SLC4A10: variants seen among roughly 807,000 people sequenced by gnomAD.
SLC4A10 encodes solute carrier family 4 member 10.
SLC4A10 carries 42 observed loss-of-function variants against 137.7 expected under a neutral mutation model. That is an observed-to-expected ratio of 0.30 (90% CI 0.24 to 0.39). The LOEUF (loss-of-function observed/expected upper bound fraction) is 0.39. Ranked by LOEUF, SLC4A10 falls within the 10% of genes least tolerant of loss-of-function variation. SLC4A10 has a pLI of 1.00. For missense variants in SLC4A10, 925 were observed against 1,355.0 expected (o/e 0.68, Z 4.98); for synonymous variants, 474 against 464.1 (o/e 1.02, Z -0.27).
chr2:161,695,797 TC>T (rs1416054147), intron 1 of SLC4A10, among the ~76,000 whole-genome samples: 31 of 152,194 alleles, frequency 2.0e-4, no homozygotes, highest in African/African-American at 6.8e-4. Flanking sequence ...ATAGGCTAAT[TC>T]CTGCATTCTA....
intron 1 of SLC4A10, among the ~76,000 whole-genome samples, chr2:161,676,862 G>A (rs560919367): frequency 2.6e-5 from 4 of 152,216 alleles, no homozygotes; most frequent in Middle Eastern, 3.4e-3. Flanking sequence ...CCTACAGGGC[G>A]TGCTGTATGG....
At chr2:161,945,214 ATATATAT>A (rs1693558869) in intron 16 of SLC4A10, among the ~76,000 whole-genome samples, 4 of 85,224 alleles carry the variant, frequency 4.7e-5, no homozygotes, top group Non-Finnish European at 1.2e-4. Flanking sequence ...ATATATATAT[ATATATAT>A]ATATATATAT....
Position 161,946,544 on chromosome 2 carries a change from G to T in SLC4A10, c.2104-1022G>T, listed in dbSNP as rs561988459. ...GGGCAAGAATATCTCAAGGACTAAT[G>T]AGATCACTGGATCATTTAAACCATT... On this transcript the variant is annotated intron_variant, in intron 16 of 26. Coordinates refer to ENST00000446997, the MANE Select transcript of SLC4A10 (RefSeq NM_001178015.2). Among the ~76,000 whole-genome samples the T allele has an allele frequency of 2.0e-5, 3 of 152,164 alleles. 1 individual carries two copies. Among genetic ancestry groups the T allele is most frequent in the African/African-American group, 7.2e-5 (3 of 41,548 alleles).
At chr2:161,655,831 T>C (rs74809967) in intron 1 of SLC4A10, among the ~76,000 whole-genome samples, 1 of 149,898 alleles carries the variant, frequency 6.7e-6, no homozygotes. Context: ...TTTTTTTTTT[T>C]GGAGACGGAG....
At chr2:161,739,348 G>A (rs929146946) in intron 1 of SLC4A10, among the ~76,000 whole-genome samples, 13 of 151,950 alleles carry the variant, frequency 8.6e-5, no homozygotes, top group African/African-American at 1.7e-4. Context: ...TGCTTTTATC[G>A]CCTCCTATTT....
intron 1 of SLC4A10, among the ~76,000 whole-genome samples, chr2:161,743,771 T>C (rs1357890300): frequency 6.6e-6 from 1 of 152,192 alleles, no homozygotes; most frequent in African/African-American, 2.4e-5. Flanking sequence ...TACATGAACA[T>C]GGAACATCTT....
intron 21 of SLC4A10, among the ~76,000 whole-genome samples, chr2:161,962,422 A>G (rs1334531828): frequency 6.6e-6 from 1 of 152,206 alleles, no homozygotes; most frequent in African/African-American, 2.4e-5. Flanking sequence ...GTTCTATAGA[A>G]AAGGAAATAT....
chr2:161,888,452 G>A (rs1189818001), intron 10 of SLC4A10, among the ~76,000 whole-genome samples: 1 of 152,104 alleles, frequency 6.6e-6, no homozygotes, highest in Admixed American at 6.5e-5. Flanking sequence ...ATTTGTTTGT[G>A]TCCTCTCTTA....
intron 5 of SLC4A10, among the ~76,000 whole-genome samples, chr2:161,862,509 C>A (rs1012889354): frequency 6.6e-6 from 1 of 152,138 alleles, no homozygotes; most frequent in Non-Finnish European, 1.5e-5. Context: ...CAAATTCAAA[C>A]ACATTATGAA....
chr2:161,839,391 A>C (rs1293295615), intron 3 of SLC4A10, among the ~76,000 whole-genome samples: 1 of 152,136 alleles, frequency 6.6e-6, no homozygotes, highest in African/African-American at 2.4e-5. Context: ...GTATAAATGA[A>C]TTTTATCATG....
chr2:161,667,770 G>A (rs1391590346), intron 1 of SLC4A10, among the ~76,000 whole-genome samples: 2 of 151,564 alleles, frequency 1.3e-5, no homozygotes, highest in African/African-American at 4.8e-5. Flanking sequence ...CTTGTTTTCA[G>A]GTCCTATGAC....
intron 1 of SLC4A10, among the ~76,000 whole-genome samples, chr2:161,706,822 A>G (rs2043723335): frequency 6.6e-6 from 1 of 151,584 alleles, no homozygotes; most frequent in Non-Finnish European, 1.5e-5. Context: ...TTCCCTAAGG[A>G]AATCTTTTCT....
chr2:161,804,306 C>T, intron 2 of SLC4A10, 143 bp from the exon 3 acceptor site: 1 of 807,566 alleles, frequency 1.2e-6, no homozygotes, highest in Non-Finnish European at 1.9e-6. Flanking sequence ...AAGACAGTGC[C>T]ACGCTCCAAG....
At chr2:161,791,487 G>A (rs1277135081) in intron 2 of SLC4A10, among the ~76,000 whole-genome samples, 1 of 152,072 alleles carries the variant, frequency 6.6e-6, no homozygotes, top group African/African-American at 2.4e-5. Flanking sequence ...GTGGGAGGAG[G>A]GAGCACATCA....
chr2:161,935,942 T>G (rs1691506862), intron 15 of SLC4A10, among the ~76,000 whole-genome samples: 1 of 152,146 alleles, frequency 6.6e-6, no homozygotes, highest in African/African-American at 2.4e-5. Context: ...TGGTCTTTAT[T>G]GTGTTGGGGT....
intron 3 of SLC4A10, among the ~76,000 whole-genome samples, chr2:161,807,885 T>G (rs995569794): frequency 2.0e-5 from 3 of 152,154 alleles, no homozygotes; most frequent in African/African-American, 7.2e-5. Context: ...AAAAATAATT[T>G]AGCTAGGTAT....
intron 1 of SLC4A10, among the ~76,000 whole-genome samples, chr2:161,659,031 G>C (rs149954817): frequency 7.2e-5 from 11 of 152,138 alleles, no homozygotes; most frequent in Non-Finnish European, 1.2e-4. Context: ...TTACCATTTA[G>C]TCCAGCAATC....
At chr2:161,679,976 C>T (rs1025337145) in intron 1 of SLC4A10, among the ~76,000 whole-genome samples, 2 of 152,168 alleles carry the variant, frequency 1.3e-5, no homozygotes, top group Non-Finnish European at 2.9e-5. Context: ...CCCAAGTGTA[C>T]ATGCAATTTT....
At chr2:161,744,277 G>A (rs965774561) in intron 1 of SLC4A10, among the ~76,000 whole-genome samples, 2 of 151,940 alleles carry the variant, frequency 1.3e-5, no homozygotes, top group African/African-American at 2.4e-5. Context: ...GCCATATATG[G>A]CTTTTATTGT....
Sources: allele counts gnomAD v4.1 joint callset (sites outside exome capture counted in the v4.1 genomes callset), GRCh38; gene constraint gnomAD v4.1.1; transcripts MANE v1.5; gene names NCBI Gene and HGNC (gene_info 2026-07-23, HGNC 2026-07-21).